Variants in SIN3B observed in about 807,000 individuals in gnomAD.
SIN3B encodes SIN3 transcription regulator family member B, also known as paired amphipathic helix protein Sin3b.
Under a neutral mutation model 120.2 loss-of-function variants are expected in SIN3B, and 19 were observed. The ratio of observed to expected loss-of-function variants is 0.16; its 90% CI spans 0.11 to 0.23. The LOEUF is 0.23. SIN3B is among the 10% of genes least tolerant of loss of function. The pLI, the probability that SIN3B is intolerant of heterozygous loss-of-function variation, is 1.00. For missense variants in SIN3B, 1,073 were observed against 1,573.0 expected (o/e 0.68, Z 5.38); for synonymous variants, 654 against 653.2 (o/e 1.00, Z -0.02).
chr19:16,829,738 T>C, intron 1 of SIN3B, 53 bp from the exon 2 acceptor site: 1 of 1,380,172 alleles, frequency 7.2e-7, no homozygotes, highest in Non-Finnish European at 9.9e-7. Context: ...CCCCGGCCCC[T>C]CGTCCCCTCG....
chr19:16,833,107 G>A (rs1469358693), intron 3 of SIN3B, among the ~76,000 whole-genome samples: 8 of 152,112 alleles, frequency 5.3e-5, no homozygotes, highest in Admixed American at 6.6e-5. Flanking sequence ...GAGAACCACC[G>A]GTGTAAGTGG....
At chr19:16,849,951 C>T (rs1034730286) in intron 5 of SIN3B, among the ~76,000 whole-genome samples, 5 of 145,420 alleles carry the variant, frequency 3.4e-5, no homozygotes, top group South Asian at 2.2e-4. Context: ...GTGAGACCTC[C>T]GTCTCAAAAA....
At position 16,842,156 on chromosome 19, in the gene SIN3B, C is replaced by T. The variant is rs773877; in HGVS notation, c.582+188C>T. Among the ~76,000 whole-genome samples, 426 of 150,136 alleles carry T rather than the reference C, an allele frequency of 2.8e-3. 1 individual carries two copies. Among genetic ancestry groups the T allele is most frequent in the African/African-American group, 9.6e-3 (392 of 40,790 alleles). ...AGGCTGGAGTGCAGTGGCACGGACTCGGCTCATTGCAACCTCCACCTCCTG... is the reference window on the plus strand; with the variant it reads ...AGGCTGGAGTGCAGTGGCACGGACTTGGCTCATTGCAACCTCCACCTCCTG... On this transcript the variant is annotated intron_variant, in intron 4 of 18. Coordinates refer to ENST00000248054, the MANE Select transcript of SIN3B (RefSeq NM_001297595.2).
At chr19:16,849,784 A>C (rs960143826) in intron 5 of SIN3B, among the ~76,000 whole-genome samples, 4 of 152,068 alleles carry the variant, frequency 2.6e-5, no homozygotes, top group Non-Finnish European at 5.9e-5. Context: ...ATCAGTTTAC[A>C]CCTGTTCCAG....
At chr19:16,846,854 G>C in intron 4 of SIN3B, 116 bp from the exon 5 acceptor site, 1 of 1,134,768 alleles carries the variant, frequency 8.8e-7, no homozygotes, top group East Asian at 2.4e-5. Flanking sequence ...CTGCGGGCAG[G>C]TGCTCTTTCC....
Position 16,862,546 on chromosome 19 carries a change from C to T in SIN3B, c.1253C>T (p.Ala418Val). 6.2e-7 allele frequency: 1 copy of T among 1,613,342 alleles called. No homozygotes were observed. The highest frequency in any genetic ancestry group is 8.5e-7 in the Non-Finnish European group (1 of 1,179,916). Residue 418 changes from alanine (A) to valine (V), a missense_variant, in exon 9 of 19, where the codon GCC (alanine) becomes GTC (valine). This residue lies in a region of SIN3B where 118 missense variants were observed against 281.6 expected (regional missense o/e 0.42). Transcript: ENST00000248054. The surrounding 1 kb of genome is among the most constrained non-coding windows in gnomAD (Gnocchi z 4.7). ...YQQPKCSGRTAICKEVLNDTW... is the reference protein window; with the variant it reads ...YQQPKCSGRTVICKEVLNDTW... ...CAGCCCAAGTGCAGTGGGAGGACAG[C>T]CATCTGCAAGGAGGTAGCGCTCCCT...
chr19:16,836,136 C>G (rs1053996469), intron 3 of SIN3B, among the ~76,000 whole-genome samples: 5 of 152,160 alleles, frequency 3.3e-5, no homozygotes, highest in Non-Finnish European at 5.9e-5. Context: ...CCAGACTGTT[C>G]TTTATGGCGA....
chr19:16,870,260 G>A (rs905693216), intron 13 of SIN3B, among the ~76,000 whole-genome samples, 185 bp downstream of exon 13: 6 of 152,166 alleles, frequency 3.9e-5, no homozygotes, highest in Admixed American at 1.3e-4. Context: ...CGTACCCCTC[G>A]CCCAGGCTCC....
chr19:16,837,002 C>T (rs1478389560), intron 3 of SIN3B, among the ~76,000 whole-genome samples: 4 of 151,880 alleles, frequency 2.6e-5, no homozygotes, highest in South Asian at 2.1e-4. Context: ...GTGGGGGGTC[C>T]GATGAGAAAC....
In SIN3B at chr19:16,878,693, G is replaced by C. The variant is rs566955025; in HGVS notation, c.3359G>C (p.Arg1120Pro). Residue 1120 changes from arginine to proline, a missense_variant, in exon 19 of 19, where the codon CGC (arginine) becomes CCC (proline). Arg to Pro is a moderately radical substitution (Grantham distance 103). Coordinates refer to ENST00000248054, the MANE Select transcript of SIN3B (RefSeq NM_001297595.2). ...HVHGLPVTRY[R>P]VQYSRRPASP Reference sequence around the variant, plus strand: ...CACGGCCTGCCCGTGACCCGCTACCGCGTGCAGTACAGCCGCCGCCCGGCC... The same window carrying C: ...CACGGCCTGCCCGTGACCCGCTACCCCGTGCAGTACAGCCGCCGCCCGGCC... 6.2e-7 allele frequency: 1 copy of C among 1,611,196 alleles called. No homozygotes were observed. Among genetic ancestry groups the C allele is most frequent in the Admixed American group, 1.7e-5 (1 of 59,876 alleles).
At position 16,877,891 on chromosome 19, in the gene SIN3B, C is replaced by T. The variant is rs150997422; in HGVS notation, c.2954+252C>T. Among the ~76,000 whole-genome samples the T allele has an allele frequency of 2.8e-3, 430 of 152,286 alleles. 1 individual carries two copies. The highest frequency in any genetic ancestry group is 9.9e-3 in the South Asian group (48 of 4,826). On this transcript the variant is annotated intron_variant, in intron 17 of 18. Transcript: ENST00000248054. Reference sequence around the variant, plus strand: ...CGTCAGTGGGTGAAGAGTGAATGCCCGGACTGGAGGGAGACGCTGCCAGAG... The same window carrying T: ...CGTCAGTGGGTGAAGAGTGAATGCCTGGACTGGAGGGAGACGCTGCCAGAG...
chr19:16,851,108 G>T (rs967646365), intron 5 of SIN3B, among the ~76,000 whole-genome samples: 2 of 152,144 alleles, frequency 1.3e-5, no homozygotes, highest in East Asian at 3.9e-4. Context: ...ATGAGCCCCC[G>T]CACGGGAAGA....
chr19:16,830,925 C>G (rs938916131), intron 2 of SIN3B, among the ~76,000 whole-genome samples: 1 of 152,174 alleles, frequency 6.6e-6, no homozygotes, highest in African/African-American at 2.4e-5. Flanking sequence ...TTTTCAGAAC[C>G]GAGTACCCAT....
chr19:16,862,814 G>T lies in SIN3B; in HGVS notation c.1266+255G>T. 7.8e-7 allele frequency: 1 copy of T among 1,276,108 alleles called. No homozygotes were observed. Among genetic ancestry groups the T allele is most frequent in the South Asian group, 1.2e-5 (1 of 82,704 alleles). The allele number at this position is 1,276,108 out of a possible 1,614,324, so 79.0% of individuals were successfully genotyped here. On this transcript the variant is annotated intron_variant, in intron 9 of 18. Transcript: ENST00000248054. This position sits in a 1 kb window ranked among gnomAD's most constrained non-coding sequence, Gnocchi z 4.7. ...AGTTCGGCTTATTCATCTGTTATTT[G>T]ACTTAGGTTTATTGCTGCCATGATT...
At chr19:16,861,754 ACT>A (rs1488024506) in intron 8 of SIN3B, among the ~76,000 whole-genome samples, 3 of 144,072 alleles carry the variant, frequency 2.1e-5, no homozygotes, top group Non-Finnish European at 4.5e-5. Context: ...CAAGAGTGAA[ACT>A]CTGTCTCAAA....
chr19:16,879,652 C>T lies in SIN3B; in HGVS notation c.*925C>T, dbSNP rs1466188133. 1 of 152,332 alleles carries T rather than the reference C, an allele frequency of 6.6e-6. No homozygotes were observed. The highest frequency in any genetic ancestry group is 2.4e-5 in the African/African-American group (1 of 41,452). 9.4% of individuals were successfully genotyped at this position (152,332 alleles called of 1,614,324 possible). A position where few individuals can be genotyped will look rare whatever the true frequency, so the allele number is the denominator to read the frequency against. The stretch of plus-strand genomic sequence containing the variant: ...GAACTCCGAGAGCCGCCCTGACAGT[C>T]CCAGCCGCCACCCAAGGAGCCCCAT... On this transcript the variant is annotated 3_prime_UTR_variant, in exon 19 of 19. Coordinates refer to ENST00000248054, the MANE Select transcript of SIN3B (RefSeq NM_001297595.2).
At chr19:16,867,851 C>T (rs899746786) in intron 12 of SIN3B, among the ~76,000 whole-genome samples, 11 of 152,292 alleles carry the variant, frequency 7.2e-5, no homozygotes, top group African/African-American at 1.9e-4. Flanking sequence ...CTTCCTCACT[C>T]TAGTCCTCGG....
intron 14 of SIN3B, among the ~76,000 whole-genome samples, chr19:16,875,639 T>C (rs1015963606): frequency 1.4e-5 from 2 of 147,682 alleles, no homozygotes; most frequent in Admixed American, 6.7e-5. Flanking sequence ...TCTGGTCTGG[T>C]CTGTTTGGTC....
Position 16,878,949 on chromosome 19 carries a change from C to T in SIN3B, c.*222C>T. The T allele has an allele frequency of 1.8e-6, 1 of 565,336 alleles. No homozygotes were observed. Among genetic ancestry groups the T allele is most frequent in the Non-Finnish European group, 3.1e-6 (1 of 320,540 alleles). The allele number at this position is 565,336 out of a possible 1,614,324, so 35.0% of individuals were successfully genotyped here. ...CTACCTGCACCCGAGCCCTGGGGCT[C>T]AGCCCCACCACAGGGGCGGGTGGAC... On this transcript the variant is annotated 3_prime_UTR_variant, in exon 19 of 19. Transcript: ENST00000248054.
Sources: allele counts gnomAD v4.1 joint callset (sites outside exome capture counted in the v4.1 genomes callset), GRCh38; gene constraint gnomAD v4.1.1; regional missense constraint gnomAD v4.1.1; non-coding constraint Gnocchi (gnomAD v3.1); transcripts MANE v1.5; gene names NCBI Gene and HGNC (gene_info 2026-07-23, HGNC 2026-07-21).